PIK3C2B: variants seen among roughly 807,000 people sequenced by gnomAD.
PIK3C2B encodes the protein phosphatidylinositol 4-phosphate 3-kinase C2 domain-containing subunit beta.
Under a neutral mutation model 184.3 loss-of-function variants are expected in PIK3C2B, and 83 were observed. The observed-to-expected ratio is 0.45, with a 90% CI of 0.38 to 0.54. The LOEUF (loss-of-function observed/expected upper bound fraction) is 0.54. Ranked by LOEUF, PIK3C2B falls within the 20% of genes least tolerant of loss-of-function variation. PIK3C2B has a pLI of 0.00. For synonymous variants in PIK3C2B, 779 were observed against 837.6 expected (o/e 0.93, Z 1.21); for missense variants, 1,736 against 2,113.5 (o/e 0.82, Z 3.50).
intron 1 of PIK3C2B, chr1:204,489,698 A>G (rs1657882227): frequency 5.2e-6 from 2 of 385,544 alleles, no homozygotes. Flanking sequence ...GAATGGGACA[A>G]ACACTCTGCT....
intron 16 of PIK3C2B, among the ~76,000 whole-genome samples, 198 bp downstream of exon 16, chr1:204,445,758 T>C (rs1348204941): frequency 6.6e-6 from 1 of 152,204 alleles, no homozygotes; most frequent in Non-Finnish European, 1.5e-5. Context: ...TTCAATTTTG[T>C]TGTATGTTTG....
intron 11 of PIK3C2B, 36 bp from the exon 12 acceptor site, chr1:204,454,827 T>C: frequency 6.3e-7 from 1 of 1,592,042 alleles, no homozygotes. Flanking sequence ...GACACCCAGC[T>C]CCCAAAACCA....
intron 1 of PIK3C2B, among the ~76,000 whole-genome samples, chr1:204,487,168 C>CA (rs1325000142): frequency 6.6e-6 from 1 of 152,132 alleles, no homozygotes; most frequent in Non-Finnish European, 1.5e-5. Flanking sequence ...TGCAGTGGTG[C>CA]AATCATAGCT....
Position 204,423,906 on chromosome 1 carries a change from T to A in PIK3C2B, c.*946A>T, listed in dbSNP as rs1674611922. 1 of 152,378 alleles carries A rather than the reference T, an allele frequency of 6.6e-6. No homozygotes were observed. Among genetic ancestry groups the A allele is most frequent in the African/African-American group, 2.4e-5 (1 of 41,312 alleles). The allele number at this position is 152,378 out of a possible 1,614,324, so 9.4% of individuals were successfully genotyped here. Reference sequence around the variant, plus strand: ...ACTACATCTAAGGACTGAGTCAGTATTTTGTCCCACCAGAGACAAATGAAG... The same window carrying A: ...ACTACATCTAAGGACTGAGTCAGTAATTTGTCCCACCAGAGACAAATGAAG... On this transcript the variant is annotated 3_prime_UTR_variant, in exon 33 of 33. Coordinates refer to ENST00000684373, the MANE Select transcript of PIK3C2B (RefSeq NM_001377334.1).
At chr1:204,492,840 T>C (rs569388930) in intron 1 of PIK3C2B, among the ~76,000 whole-genome samples, 2 of 152,142 alleles carry the variant, frequency 1.3e-5, no homozygotes, top group African/African-American at 2.4e-5. Context: ...CTCAGAGCCA[T>C]GGCAATCAAA....
intron 21 of PIK3C2B, among the ~76,000 whole-genome samples, chr1:204,440,990 T>A (rs1412152756): frequency 1.3e-5 from 2 of 152,212 alleles, no homozygotes; most frequent in Non-Finnish European, 2.9e-5. Flanking sequence ...AGTTACTAAG[T>A]CACATGCATG....
intron 28 of PIK3C2B, chr1:204,431,222 A>G: frequency 4.1e-6 from 1 of 241,596 alleles, no homozygotes; most frequent in Non-Finnish European, 8.2e-6. Flanking sequence ...TAACTCAGAT[A>G]AGTGGAATCG....
intron 21 of PIK3C2B, among the ~76,000 whole-genome samples, chr1:204,440,765 T>TTATATATATATATATATA (rs34842826): frequency 2.1e-5 from 3 of 140,056 alleles, no homozygotes; most frequent in African/African-American, 7.8e-5. Context: ...CCCAGCTAAT[T>TTATATATATATATATATA]TATATATATA....
rs893594116 is a variant in PIK3C2B at position 204,454,530 on chromosome 1, G to A, written c.2066+139C>T. The A allele has an allele frequency of 1.5e-5, 10 of 673,160 alleles. No individual in the cohort carries two copies. In the Admixed American group the frequency reaches 2.1e-4, roughly 14 times the overall value. 41.7% of individuals were successfully genotyped at this position (673,160 alleles called of 1,614,324 possible). On this transcript the variant is annotated intron_variant, in intron 12 of 32. Coordinates refer to ENST00000684373, the MANE Select transcript of PIK3C2B (RefSeq NM_001377334.1). ...CAGGGAAGTGGAGACTCAAGAGGTT[G>A]AATGACTTGTCCAGTTAGGGTTAAC... is the stretch of plus-strand genomic sequence containing the variant.
At chr1:204,434,100 C>T in intron 24 of PIK3C2B, 151 bp from the exon 25 acceptor site, 1 of 659,240 alleles carries the variant, frequency 1.5e-6, no homozygotes, top group Non-Finnish European at 2.7e-6. Flanking sequence ...CCTTTCCTAC[C>T]TTAATCTTAA....
chr1:204,464,368 G>A, intron 4 of PIK3C2B, 82 bp downstream of exon 4: 1 of 1,299,400 alleles, frequency 7.7e-7, no homozygotes, highest in South Asian at 1.4e-5. Context: ...GCCACAAGAT[G>A]AGGTGGAAAT....
intron 5 of PIK3C2B, 82 bp downstream of exon 5, chr1:204,463,930 C>A: frequency 7.0e-7 from 1 of 1,436,680 alleles, no homozygotes; most frequent in Non-Finnish European, 9.6e-7. Context: ...GCTGCCAGGC[C>A]GGTCCCAGCA....
intron 28 of PIK3C2B, among the ~76,000 whole-genome samples, chr1:204,430,581 G>A (rs1167693216): frequency 6.6e-6 from 1 of 152,048 alleles, no homozygotes; most frequent in Non-Finnish European, 1.5e-5. Context: ...CTTAGCTCAT[G>A]ATCTGCCTGC....
At chr1:204,467,826 T>A (rs1393824014) in intron 2 of PIK3C2B, among the ~76,000 whole-genome samples, 1 of 5,900 alleles carries the variant, frequency 1.7e-4, no homozygotes, top group African/African-American at 2.2e-4. Flanking sequence ...AGAGTGAGAC[T>A]CTGTCTCAAA....
chr1:204,434,395 C>T (rs1558234528), intron 24 of PIK3C2B, 44 bp downstream of exon 24: 1 of 1,582,756 alleles, frequency 6.3e-7, no homozygotes. Context: ...TGTTGCTCAC[C>T]TCCTTGCCCT....
intron 15 of PIK3C2B, among the ~76,000 whole-genome samples, chr1:204,446,885 C>T (rs1307900067): frequency 6.6e-6 from 1 of 152,134 alleles, no homozygotes; most frequent in Non-Finnish European, 1.5e-5. Flanking sequence ...GAGCAGACAG[C>T]GGAACCAGGT....
chr1:204,466,948 C>T (rs556503299), intron 2 of PIK3C2B: 16 of 532,098 alleles, frequency 3.0e-5, no homozygotes, highest in South Asian at 7.0e-5. Flanking sequence ...GAAAGCGGGG[C>T]GGTGGTATAG....
rs146403927 is a variant in PIK3C2B at position 204,476,219 on chromosome 1, T to C, written c.-84-6333A>G. On this transcript the variant is annotated intron_variant, in intron 1 of 32. Transcript: ENST00000684373. ...AAGTATTTTAGGAATCAGGGTTTCA[T>C]GTTTCCTGCCTCCCCACTTCCCCAA... is the stretch of plus-strand genomic sequence containing the variant. 3.8e-3 allele frequency among the ~76,000 whole-genome samples: 573 copies of C among 152,312 alleles called. 5 individuals carry two copies. Among genetic ancestry groups the C allele is most frequent in the African/African-American group, 0.013 (535 of 41,572 alleles).
chr1:204,443,625 G>C, intron 18 of PIK3C2B, 28 bp from the exon 19 acceptor site: 1 of 1,604,468 alleles, frequency 6.2e-7, no homozygotes, highest in Admixed American at 1.7e-5. Context: ...TCAGGAGTCA[G>C]GGCACTCCAG....
Sources: allele counts gnomAD v4.1 joint callset (sites outside exome capture counted in the v4.1 genomes callset), GRCh38; gene constraint gnomAD v4.1.1; transcripts MANE v1.5; gene names NCBI Gene and HGNC (gene_info 2026-07-23, HGNC 2026-07-21).